The following CORIN variants were observed in gnomAD, a reference collection of about 807,000 sequenced individuals.
The protein encoded by CORIN is atrial natriuretic peptide-converting enzyme.
A neutral mutation model predicts 125.3 loss-of-function variants in CORIN; 117 were observed. That is an observed-to-expected ratio of 0.93 (90% confidence interval 0.80 to 1.09). The LOEUF is 1.09. Among genes scored for constraint, CORIN ranks in the 50% least tolerant of loss-of-function variants. CORIN has a pLI of 0.00. For synonymous variants in CORIN, 450 were observed against 466.4 expected, an observed-to-expected ratio of 0.96 and a Z score of 0.45; for missense variants, 1,253 against 1,306.7, an observed-to-expected ratio of 0.96 and a Z score of 0.63.
At chr4:47,739,096 G>C (rs2109828794) in intron 5 of CORIN, among the ~76,000 whole-genome samples, 1 of 152,052 alleles carries the variant, frequency 6.6e-6, no homozygotes, top group South Asian at 2.1e-4. Context: ...TACTCATAAT[G>C]GGAGTCCCAG....
intron 6 of CORIN, among the ~76,000 whole-genome samples, chr4:47,684,182 A>G (rs1206279085): frequency 6.6e-6 from 1 of 152,242 alleles, no homozygotes; most frequent in Non-Finnish European, 1.5e-5. Flanking sequence ...AGACTTTAGT[A>G]ACTCTTATGT....
chr4:47,661,973 G>C, intron 11 of CORIN, 117 bp from the exon 12 acceptor site: 1 of 940,290 alleles, frequency 1.1e-6, no homozygotes, highest in Non-Finnish European at 1.5e-6. Flanking sequence ...TGGGTGTGTG[G>C]ATATAAAAGA....
rs989362282 is a variant in CORIN at position 47,630,717 on chromosome 4, T to C, written c.2199-4196A>G. Among the ~76,000 whole-genome samples the C allele has an allele frequency of 1.2e-4, 18 of 152,286 alleles. 1 individual carries two copies. Among genetic ancestry groups the C allele is most frequent in the Non-Finnish European group, 2.5e-4 (17 of 68,014 alleles). The stretch of plus-strand genomic sequence containing the variant: ...CCTCCTCTCTTGACAAACACATCTG[T>C]TAGGTTCAAATACAGAACTCTTGGA... On this transcript the variant is annotated intron_variant, in intron 16 of 21. Transcript: ENST00000273857.
chr4:47,688,611 T>A (rs1302001458), intron 6 of CORIN, among the ~76,000 whole-genome samples: 1 of 152,026 alleles, frequency 6.6e-6, no homozygotes, highest in Non-Finnish European at 1.5e-5. Flanking sequence ...CAAAAAAAAA[T>A]TTTAAAAAAC....
intron 3 of CORIN, among the ~76,000 whole-genome samples, chr4:47,773,838 G>T (rs923350690): frequency 6.6e-6 from 1 of 150,820 alleles, no homozygotes; most frequent in South Asian, 2.1e-4. Context: ...TTAAAACCAG[G>T]TTCATTGATT....
At position 47,657,693 on chromosome 4, in the gene CORIN, G is replaced by A. The variant is rs1052467198; in HGVS notation, c.1735+4018C>T. ...CTTACAATCATGGCAGAAGGTGAAG[G>A]GGGAGCAGGCACGTCACATGGCAAA... On this transcript the variant is annotated intron_variant, in intron 12 of 21. Coordinates refer to ENST00000273857, the MANE Select transcript of CORIN (RefSeq NM_006587.4). Among the ~76,000 whole-genome samples, 34 of 152,130 alleles carry A rather than the reference G, an allele frequency of 2.2e-4. No homozygotes were observed. The Middle Eastern group carries it at 0.014, about 61-fold the overall frequency.
chr4:47,728,971 A>G (rs1727729012), intron 5 of CORIN, among the ~76,000 whole-genome samples: 6 of 152,250 alleles, frequency 3.9e-5, no homozygotes, highest in African/African-American at 1.4e-4. Context: ...AAGCAAAGCA[A>G]TATTTGGCAG....
chr4:47,768,698 C>T (rs1577906683), intron 3 of CORIN, among the ~76,000 whole-genome samples: 2 of 152,148 alleles, frequency 1.3e-5, no homozygotes, highest in Non-Finnish European at 2.9e-5. Flanking sequence ...TGTGATACAT[C>T]ACCTTAATAG....
chr4:47,642,818 A>G, intron 15 of CORIN: 1 of 1,446,790 alleles, frequency 6.9e-7, no homozygotes, highest in Non-Finnish European at 9.0e-7. Context: ...AGGTGACAAA[A>G]GAATGGCAGA....
At chr4:47,817,054 C>A (rs1732303748) in intron 1 of CORIN, among the ~76,000 whole-genome samples, 1 of 152,100 alleles carries the variant, frequency 6.6e-6, no homozygotes, top group South Asian at 2.1e-4. Flanking sequence ...TTCCTATAGG[C>A]ATTAATAAAC....
At chr4:47,822,902 A>C (rs1372006902) in intron 1 of CORIN, among the ~76,000 whole-genome samples, 43 of 148,952 alleles carry the variant, frequency 2.9e-4, no homozygotes, top group Non-Finnish European at 1.0e-4. Flanking sequence ...TGCAACCTCC[A>C]CCTCCCGGGT....
At chr4:47,598,849 T>C (rs911721073) in intron 21 of CORIN, among the ~76,000 whole-genome samples, 5 of 152,214 alleles carry the variant, frequency 3.3e-5, no homozygotes, top group South Asian at 2.1e-4. Flanking sequence ...ACTAAATTGA[T>C]AGCTGTTAAT....
intron 5 of CORIN, among the ~76,000 whole-genome samples, chr4:47,727,279 A>G (rs2109807332): frequency 6.6e-6 from 1 of 152,200 alleles, no homozygotes; most frequent in Admixed American, 6.5e-5. Flanking sequence ...TAATCATATG[A>G]GTAAGTTTTC....
At chr4:47,793,733 G>C (rs748366538) in intron 2 of CORIN, among the ~76,000 whole-genome samples, 27 of 152,256 alleles carry the variant, frequency 1.8e-4, no homozygotes, top group Non-Finnish European at 3.2e-4. Context: ...AAAAGACACT[G>C]GTGGGCTTGC....
chr4:47,678,824 GT>G (rs3840304), intron 8 of CORIN, among the ~76,000 whole-genome samples: 20,809 of 152,096 alleles, frequency 0.14, 1,826 homozygotes, highest in Admixed American at 0.2. Context: ...CACCAGAAGT[GT>G]TCTACCTGAG....
intron 5 of CORIN, among the ~76,000 whole-genome samples, chr4:47,742,673 C>G (rs187661094): frequency 6.6e-6 from 1 of 151,968 alleles, no homozygotes; most frequent in Admixed American, 6.6e-5. Context: ...AGAAATTTTC[C>G]TGAATTTGAT....
intron 1 of CORIN, among the ~76,000 whole-genome samples, chr4:47,813,445 A>C (rs1326120089): frequency 6.6e-6 from 1 of 152,234 alleles, no homozygotes; most frequent in Non-Finnish European, 1.5e-5. Context: ...CTCTGAAAGC[A>C]ATAATATGCA....
chr4:47,785,532 A>G (rs1730753853), intron 3 of CORIN, among the ~76,000 whole-genome samples: 1 of 150,950 alleles, frequency 6.6e-6, no homozygotes, highest in South Asian at 2.1e-4. Flanking sequence ...TTTTTTTGTC[A>G]TTCACCAACA....
chr4:47,804,740 G>C (rs1731695671), intron 2 of CORIN, among the ~76,000 whole-genome samples: 1 of 134,574 alleles, frequency 7.4e-6, no homozygotes, highest in Admixed American at 7.6e-5. Flanking sequence ...GTGGGGAGGG[G>C]GGGGGTTGTT....
Sources: gnomAD v4.1 joint callset for allele counts (sites outside exome capture counted in the v4.1 genomes callset) on GRCh38, gnomAD v4.1.1 for gene constraint, MANE v1.5 for transcripts, NCBI Gene and HGNC (gene_info 2026-07-23, HGNC 2026-07-21) for gene names.